The following RGS17 variants were observed in gnomAD, a reference collection of about 807,000 sequenced individuals.
RGS17 encodes the protein regulator of G protein signaling 17, also known as regulator of G-protein signaling 17.
A neutral mutation model predicts 25.5 loss-of-function variants in RGS17; 12 were observed. That is an observed-to-expected ratio of 0.47 (90% CI 0.30 to 0.76). The LOEUF is 0.76. Ranked by LOEUF, RGS17 falls within the 30% of genes least tolerant of loss-of-function variation. RGS17 has a pLI of 0.07. For missense variants in RGS17, 196 were observed against 242.2 expected, an observed-to-expected ratio of 0.81 and a Z score of 1.27; for synonymous variants, 71 against 76.9, an observed-to-expected ratio of 0.92 and a Z score of 0.40.
chr6:153,119,784 A>T (rs770525937), intron 1 of RGS17, among the ~76,000 whole-genome samples: 23 of 152,244 alleles, frequency 1.5e-4, no homozygotes, highest in Admixed American at 7.2e-4. Flanking sequence ...GGTAACAATA[A>T]GAGCTAAGAC....
At chr6:153,084,735 C>G (rs905807378) in intron 1 of RGS17, among the ~76,000 whole-genome samples, 3 of 152,174 alleles carry the variant, frequency 2.0e-5, no homozygotes, top group African/African-American at 7.2e-5. Flanking sequence ...GTTTTGTAAG[C>G]ACTGTCCAGC....
chr6:153,036,872 C>T (rs770980049), intron 2 of RGS17, among the ~76,000 whole-genome samples: 2 of 152,136 alleles, frequency 1.3e-5, no homozygotes, highest in Non-Finnish European at 1.5e-5. Flanking sequence ...AGTCTCTTAA[C>T]ATCCCCCTTA....
chr6:153,064,727 A>G (rs1776684731), intron 1 of RGS17, among the ~76,000 whole-genome samples: 1 of 152,158 alleles, frequency 6.6e-6, no homozygotes, highest in Non-Finnish European at 1.5e-5. Context: ...TTAAGTTGTT[A>G]TCAGTTTAAA....
intron 4 of RGS17, among the ~76,000 whole-genome samples, chr6:153,024,045 C>T (rs1779273343): frequency 6.6e-6 from 1 of 152,156 alleles, no homozygotes; most frequent in Admixed American, 6.5e-5. Context: ...AGTGAACTAC[C>T]ACACAAGTCA....
At chr6:153,042,711 A>G (rs1032556924) in intron 2 of RGS17, among the ~76,000 whole-genome samples, 1 of 152,244 alleles carries the variant, frequency 6.6e-6, no homozygotes, top group Non-Finnish European at 1.5e-5. Flanking sequence ...CCAGATTACT[A>G]CAATGACTAT....
chr6:153,075,719 A>G (rs1229257844), intron 1 of RGS17, among the ~76,000 whole-genome samples: 1 of 152,224 alleles, frequency 6.6e-6, no homozygotes, highest in Non-Finnish European at 1.5e-5. Context: ...AAAAAATGAG[A>G]AAGATCTCTA....
At chr6:153,088,566 T>G (rs1169404393) in intron 1 of RGS17, among the ~76,000 whole-genome samples, 1 of 152,212 alleles carries the variant, frequency 6.6e-6, no homozygotes, top group Non-Finnish European at 1.5e-5. Flanking sequence ...AGCGAGATAT[T>G]TGGATCTTAT....
chr6:153,065,179 A>G (rs1056071104), intron 1 of RGS17, among the ~76,000 whole-genome samples: 1 of 152,212 alleles, frequency 6.6e-6, no homozygotes, highest in African/African-American at 2.4e-5. Flanking sequence ...ATGAATCTCA[A>G]TACAAAAACT....
intron 1 of RGS17, among the ~76,000 whole-genome samples, chr6:153,113,153 C>A (rs978867180): frequency 4.6e-5 from 7 of 151,996 alleles, no homozygotes; most frequent in African/African-American, 1.7e-4. Flanking sequence ...GAATCACGAC[C>A]CAACAGTGTG....
At chr6:153,068,106 C>T (rs775650968) in intron 1 of RGS17, among the ~76,000 whole-genome samples, 6 of 151,988 alleles carry the variant, frequency 3.9e-5, no homozygotes, top group South Asian at 4.1e-4. Flanking sequence ...GATATCCAAA[C>T]GCAGAAGAAT....
chr6:153,100,666 T>A (rs1354206650), intron 1 of RGS17, among the ~76,000 whole-genome samples: 1 of 152,210 alleles, frequency 6.6e-6, no homozygotes, highest in Non-Finnish European at 1.5e-5. Context: ...TAGAGGAATG[T>A]CTACCAGGTA....
chr6:153,035,571 T>C (rs1383100865), intron 2 of RGS17, among the ~76,000 whole-genome samples: 1 of 152,206 alleles, frequency 6.6e-6, no homozygotes, highest in Non-Finnish European at 1.5e-5. Flanking sequence ...GTAACACAAC[T>C]ATGAAATTTT....
chr6:153,110,727 C>T (rs972065209), intron 1 of RGS17, among the ~76,000 whole-genome samples: 1 of 152,202 alleles, frequency 6.6e-6, no homozygotes, highest in Non-Finnish European at 1.5e-5. Context: ...GCATTTCCAA[C>T]TGAGGTACCC....
At chr6:153,102,008 G>A (rs1366624650) in intron 1 of RGS17, among the ~76,000 whole-genome samples, 2 of 152,180 alleles carry the variant, frequency 1.3e-5, no homozygotes, top group African/African-American at 4.8e-5. Context: ...TTATGAATTG[G>A]TACCTACCAA....
intron 1 of RGS17, among the ~76,000 whole-genome samples, chr6:153,123,940 C>T (rs1022646659): frequency 5.9e-5 from 9 of 152,110 alleles, no homozygotes; most frequent in African/African-American, 2.2e-4. Flanking sequence ...GAGGTCGGTT[C>T]ACAAAGAGGG....
intron 3 of RGS17, among the ~76,000 whole-genome samples, chr6:153,026,178 G>A (rs1282433944): frequency 6.6e-6 from 1 of 152,014 alleles, no homozygotes; most frequent in African/African-American, 2.4e-5. Context: ...ATGAATTAGG[G>A]CAATTTTGGG....
chr6:153,098,448 T>C (rs976547166), intron 1 of RGS17, among the ~76,000 whole-genome samples: 2 of 152,256 alleles, frequency 1.3e-5, no homozygotes, highest in African/African-American at 4.8e-5. Flanking sequence ...AACATATTTA[T>C]TGATTCTAAA....
chr6:153,028,011 A>T (rs1779321467), intron 2 of RGS17, among the ~76,000 whole-genome samples: 1 of 152,200 alleles, frequency 6.6e-6, no homozygotes, highest in Non-Finnish European at 1.5e-5. Flanking sequence ...GAGCAAAGGG[A>T]AATATTAATT....
intron 1 of RGS17, among the ~76,000 whole-genome samples, chr6:153,128,269 G>A (rs1777731280): frequency 6.6e-6 from 1 of 152,170 alleles, no homozygotes; most frequent in South Asian, 2.1e-4. Flanking sequence ...ACATCACATA[G>A]CATTATTCTC....
Sources: gnomAD v4.1 joint callset for allele counts (sites outside exome capture counted in the v4.1 genomes callset) on GRCh38, gnomAD v4.1.1 for gene constraint, MANE v1.5 for transcripts, NCBI Gene and HGNC (gene_info 2026-07-23, HGNC 2026-07-21) for gene names.